The following SPICE1 variants were observed in gnomAD, a reference collection of about 807,000 sequenced individuals.
SPICE1 encodes spindle and centriole-associated protein 1.
SPICE1 carries 75 observed loss-of-function variants against 102.7 expected under a neutral mutation model. The ratio of observed to expected loss-of-function variants is 0.73; its 90% CI spans 0.61 to 0.88. The LOEUF is 0.88. Ranked by LOEUF, SPICE1 falls within the 40% of genes least tolerant of loss-of-function variation. SPICE1 has a pLI of 0.00. For synonymous variants in SPICE1, 308 were observed against 350.3 expected (o/e 0.88, Z 1.35); for missense variants, 979 against 1,020.1 (o/e 0.96, Z 0.55).
At chr3:113,481,916 TG>T (rs1350438446) in intron 7 of SPICE1, among the ~76,000 whole-genome samples, 1 of 152,212 alleles carries the variant, frequency 6.6e-6, no homozygotes, top group Non-Finnish European at 1.5e-5. Flanking sequence ...TATAATCCTT[TG>T]GGTATATACC....
At chr3:113,475,434 T>C (rs892050861) in intron 7 of SPICE1, among the ~76,000 whole-genome samples, 2 of 152,022 alleles carry the variant, frequency 1.3e-5, no homozygotes, top group Non-Finnish European at 1.5e-5. Context: ...ACTCATTTTA[T>C]GAGGCCAGCA....
At chr3:113,472,477 C>T (rs898924061) in intron 7 of SPICE1, among the ~76,000 whole-genome samples, 1 of 151,874 alleles carries the variant, frequency 6.6e-6, no homozygotes, top group African/African-American at 2.4e-5. Context: ...GGGCAGATTG[C>T]CTCCTCAAGT....
chr3:113,479,803 TA>T (rs1936448465), intron 7 of SPICE1, among the ~76,000 whole-genome samples: 1 of 151,724 alleles, frequency 6.6e-6, no homozygotes, highest in Non-Finnish European at 1.5e-5. Context: ...CAATTAAAAA[TA>T]AAAGAATGAA....
intron 7 of SPICE1, among the ~76,000 whole-genome samples, chr3:113,482,972 T>G (rs149049210): frequency 6.6e-6 from 1 of 152,232 alleles, no homozygotes; most frequent in African/African-American, 2.4e-5. Flanking sequence ...GGGGATAGCA[T>G]TGAATCTATA....
At chr3:113,447,262 A>G (rs1935539874) in intron 16 of SPICE1, among the ~76,000 whole-genome samples, 1 of 152,200 alleles carries the variant, frequency 6.6e-6, no homozygotes, top group Non-Finnish European at 1.5e-5. Flanking sequence ...TTATGGAAAG[A>G]TGAGTGGAAA....
chr3:113,514,355 T>C, intron 1 of SPICE1: 2 of 274,942 alleles, frequency 7.3e-6, no homozygotes, highest in East Asian at 1.1e-4. Context: ...CCAAACACTG[T>C]TGAATCAATC....
chr3:113,493,413 A>G, intron 5 of SPICE1, 101 bp from the exon 6 acceptor site: 1 of 874,870 alleles, frequency 1.1e-6, no homozygotes, highest in South Asian at 1.5e-5. Flanking sequence ...TGAAAATCTT[A>G]AACAGCAGCT....
In SPICE1 at chr3:113,444,006, G is replaced by A. The variant is rs1281484161; in HGVS notation, c.*1301C>T. ...TTTGGAAAACTGTAAATTTCAGGTT[G>A]AGCAAGTTATTAGCAGCTTTCTGGG... On this transcript the variant is annotated 3_prime_UTR_variant, in exon 18 of 18. Transcript: ENST00000295872. 1 of 152,178 alleles carries A rather than the reference G, an allele frequency of 6.6e-6. No individual in the cohort carries two copies. The highest frequency in any genetic ancestry group is 1.9e-4 in the East Asian group (1 of 5,194). The allele number at this position is 152,178 out of a possible 1,614,324, so 9.4% of individuals were successfully genotyped here. A position where few individuals can be genotyped will look rare whatever the true frequency, so the allele number is the denominator to read the frequency against.
At chr3:113,494,660 AG>A in intron 4 of SPICE1, among the ~76,000 whole-genome samples, 1 of 151,946 alleles carries the variant, frequency 6.6e-6, no homozygotes, top group Non-Finnish European at 1.5e-5. Context: ...AAAAAAAAAA[AG>A]AAATATTCAC....
Position 113,443,337 on chromosome 3 carries a change from C to T in SPICE1, c.*1970G>A, listed in dbSNP as rs916060435. On this transcript the variant is annotated 3_prime_UTR_variant, in exon 18 of 18. Coordinates refer to ENST00000295872, the MANE Select transcript of SPICE1 (RefSeq NM_144718.4). ...GTTTCAGTACTTGCATCCTTAGCTA[C>T]TGTACTGTATTAGTTCCCGTAAATT... 6.6e-6 allele frequency: 1 copy of T among 152,228 alleles called. No individual in the cohort carries two copies. The highest frequency in any genetic ancestry group is 1.5e-5 in the Non-Finnish European group (1 of 68,036). 9.4% of individuals were successfully genotyped at this position (152,228 alleles called of 1,614,324 possible). A position where few individuals can be genotyped will look rare whatever the true frequency, so the allele number is the denominator to read the frequency against.
rs1402810758 is a variant in SPICE1 at position 113,483,343 on chromosome 3, A to G, written c.611+5602T>C. ...TGTTTTCTAAATATACAATCATGTC[A>G]TCTGCAAACAGAGACAGTTTGACTT... is the stretch of plus-strand genomic sequence containing the variant. On this transcript the variant is annotated intron_variant, in intron 7 of 17. Transcript: ENST00000295872. 2.0e-5 allele frequency among the ~76,000 whole-genome samples: 3 copies of G among 152,200 alleles called. No individual in the cohort carries two copies. In the East Asian group the frequency reaches 5.8e-4, roughly 29 times the overall value.
chr3:113,456,543 C>T (rs1935782708), intron 13 of SPICE1, among the ~76,000 whole-genome samples: 1 of 152,090 alleles, frequency 6.6e-6, no homozygotes, highest in South Asian at 2.1e-4. Flanking sequence ...ATTCATGAAC[C>T]CTAAGTTAAG....
In SPICE1 at chr3:113,444,429, G is replaced by C. The variant is rs1045018373; in HGVS notation, c.*878C>G. The C allele has an allele frequency of 6.6e-6, 1 of 150,714 alleles. No individual in the cohort carries two copies. The highest frequency in any genetic ancestry group is 1.5e-5 in the Non-Finnish European group (1 of 67,902). The allele number at this position is 150,714 out of a possible 1,614,324, so 9.3% of individuals were successfully genotyped here. ...GTAAGAGGATTGCTTGAACCCAGGA[G>C]ACTGAGGTGGCAGTGAACCAGATTA... On this transcript the variant is annotated 3_prime_UTR_variant, in exon 18 of 18. Coordinates refer to ENST00000295872, the MANE Select transcript of SPICE1 (RefSeq NM_144718.4).
At chr3:113,463,491 C>T (rs1247204825) in intron 11 of SPICE1, among the ~76,000 whole-genome samples, 2 of 152,042 alleles carry the variant, frequency 1.3e-5, no homozygotes, top group African/African-American at 4.8e-5. Flanking sequence ...TTATTCATAA[C>T]AGACAAAATG....
At chr3:113,465,006 T>A (rs2107459794) in intron 11 of SPICE1, among the ~76,000 whole-genome samples, 1 of 150,976 alleles carries the variant, frequency 6.6e-6, no homozygotes, top group East Asian at 2.0e-4. Context: ...CTTGGGAGGC[T>A]AAGGTGGGAG....
intron 4 of SPICE1, among the ~76,000 whole-genome samples, chr3:113,496,059 C>CTTTTTTTTTTTTTTTTTTT (rs10557473): frequency 1.2e-5 from 1 of 82,934 alleles, no homozygotes; most frequent in Non-Finnish European, 2.3e-5. Flanking sequence ...TTTTTTACAA[C>CTTTTTTTTTTTTTTTTTTT]TTTTTTTTTT....
intron 14 of SPICE1, among the ~76,000 whole-genome samples, chr3:113,451,894 C>T (rs1935660712): frequency 6.7e-6 from 1 of 150,290 alleles, no homozygotes; most frequent in South Asian, 2.1e-4. Context: ...TATGACTCAC[C>T]TCACCCTAAC....
At chr3:113,467,317 T>C (rs1057060866) in intron 10 of SPICE1, among the ~76,000 whole-genome samples, 1 of 152,166 alleles carries the variant, frequency 6.6e-6, no homozygotes, top group African/African-American at 2.4e-5. Context: ...TTTGAGACAG[T>C]GTCTTGCTCT....
At chr3:113,487,112 C>T (rs190591633) in intron 7 of SPICE1, among the ~76,000 whole-genome samples, 6 of 152,088 alleles carry the variant, frequency 3.9e-5, no homozygotes, top group Non-Finnish European at 7.4e-5. Context: ...CAAATGAATA[C>T]AATAACCTTT....
Sources: allele counts gnomAD v4.1 joint callset (sites outside exome capture counted in the v4.1 genomes callset), GRCh38; gene constraint gnomAD v4.1.1; transcripts MANE v1.5; gene names NCBI Gene and HGNC (gene_info 2026-07-23, HGNC 2026-07-21).